ALK: variants seen among roughly 807,000 people sequenced by gnomAD.
ALK encodes ALK tyrosine kinase receptor.
In ALK, 74 loss-of-function variants were observed where a neutral mutation model predicts 163.1. The observed-to-expected ratio is 0.45, with a 90% CI of 0.38 to 0.55. The LOEUF is 0.55. Among genes scored for constraint, ALK ranks in the 20% least tolerant of loss-of-function variants. The pLI is 0.00. For synonymous variants in ALK, 960 were observed against 843.2 expected (o/e 1.14, Z -2.40); for missense variants, 2,063 against 2,105.3 (o/e 0.98, Z 0.39).
At chr2:29,912,963 A>G (rs1464943159) in intron 1 of ALK, among the ~76,000 whole-genome samples, 1 of 152,138 alleles carries the variant, frequency 6.6e-6, no homozygotes, top group Admixed American at 6.5e-5. Flanking sequence ...GGTTCAATCT[A>G]TCCTCATTTC....
chr2:29,705,519 G>T (rs1207484881), intron 2 of ALK, among the ~76,000 whole-genome samples: 1 of 151,506 alleles, frequency 6.6e-6, no homozygotes, highest in East Asian at 2.0e-4. Context: ...TTCTTTCCTT[G>T]CCCTATTTTA....
At position 29,193,627 on chromosome 2, in the gene ALK, G is replaced by A. The variant is rs1182539285; in HGVS notation, c.4460C>T (p.Ser1487Leu). The A allele has an allele frequency of 1.2e-6, 2 of 1,614,204 alleles. No individual in the cohort carries two copies. The highest frequency in any genetic ancestry group is 3.3e-5 in the Admixed American group (2 of 60,024). Residue 1487 changes from serine to leucine, a missense_variant, in exon 29 of 29, where the codon TCG (serine) becomes TTG (leucine). Physicochemically the swap from Ser to Leu is moderately radical, Grantham distance 145 (BLOSUM62 -2). Around this residue, in one of 5 missense-constraint regions of ALK, gnomAD observed 403 missense variants for 366.2 expected, o/e 1.10. Transcript: ENST00000389048. ...NMAFSQSNPP[S>L]ELHKVHGSRN... ...GGATCCGTGGACCTTGTGCAACTCC[G>A]AAGGAGGGTTGGACTGAGAGAATGC...
intron 1 of ALK, among the ~76,000 whole-genome samples, chr2:29,733,927 G>A (rs889948422): frequency 1.8e-4 from 27 of 152,230 alleles, no homozygotes; most frequent in African/African-American, 6.5e-4. Context: ...TGTAGATCCT[G>A]GCAGACCACC....
chr2:29,382,860 A>C (rs1342959825), intron 5 of ALK, among the ~76,000 whole-genome samples: 1 of 152,198 alleles, frequency 6.6e-6, no homozygotes, highest in African/African-American at 2.4e-5. Flanking sequence ...ACGAAAACAA[A>C]ATACACTATA....
chr2:29,492,896 G>A (rs972797782), intron 4 of ALK, among the ~76,000 whole-genome samples: 4 of 152,166 alleles, frequency 2.6e-5, no homozygotes, highest in Non-Finnish European at 5.9e-5. Flanking sequence ...GATGGTATGG[G>A]AGTATTTAGA....
intron 3 of ALK, among the ~76,000 whole-genome samples, chr2:29,628,732 C>G (rs1457496093): frequency 1.3e-5 from 2 of 152,160 alleles, no homozygotes; most frequent in Non-Finnish European, 2.9e-5. Context: ...GTTTGCTAAA[C>G]TAGTTCATGT....
intron 3 of ALK, among the ~76,000 whole-genome samples, chr2:29,631,628 A>C (rs1676378270): frequency 2.0e-5 from 3 of 152,224 alleles, no homozygotes; most frequent in Admixed American, 2.0e-4. Flanking sequence ...AACTGAAAAA[A>C]CAGTACCTGC....
At chr2:29,711,638 G>A (rs554397663) in intron 2 of ALK, among the ~76,000 whole-genome samples, 5 of 152,126 alleles carry the variant, frequency 3.3e-5, no homozygotes, top group Non-Finnish European at 7.4e-5. Context: ...GGGGGTTGTG[G>A]GAGGGCCTCT....
At chr2:29,618,663 C>T (rs1344457466) in intron 3 of ALK, among the ~76,000 whole-genome samples, 5 of 152,086 alleles carry the variant, frequency 3.3e-5, no homozygotes, top group African/African-American at 9.7e-5. Flanking sequence ...GGCTACTACC[C>T]GTGATATGCA....
At chr2:29,419,747 A>C (rs1669972168) in intron 4 of ALK, among the ~76,000 whole-genome samples, 1 of 151,586 alleles carries the variant, frequency 6.6e-6, no homozygotes, top group African/African-American at 2.4e-5. Flanking sequence ...TTTTGGCATT[A>C]GAATATTTAG....
chr2:29,263,189 C>T (rs964044885), intron 11 of ALK, among the ~76,000 whole-genome samples: 3 of 152,236 alleles, frequency 2.0e-5, no homozygotes, highest in Non-Finnish European at 4.4e-5. Flanking sequence ...CTGCCTTGTC[C>T]ATTCTTGTCT....
intron 12 of ALK, among the ~76,000 whole-genome samples, chr2:29,248,395 G>A (rs976532292): frequency 1.3e-5 from 2 of 152,140 alleles, no homozygotes; most frequent in African/African-American, 4.8e-5. Context: ...CCTGGGAGGC[G>A]GAAGTTGCAG....
At chr2:29,802,084 T>C (rs904061519) in intron 1 of ALK, among the ~76,000 whole-genome samples, 3 of 152,120 alleles carry the variant, frequency 2.0e-5, no homozygotes, top group African/African-American at 7.2e-5. Flanking sequence ...TTGGTTTAAA[T>C]GTCAAAACAA....
chr2:29,841,069 C>T (rs957257438), intron 1 of ALK, among the ~76,000 whole-genome samples: 5 of 152,160 alleles, frequency 3.3e-5, no homozygotes, highest in Non-Finnish European at 7.4e-5. Flanking sequence ...TAACTCTTCT[C>T]CCTTTGAATA....
At chr2:29,390,589 A>T (rs1406665820) in intron 4 of ALK, among the ~76,000 whole-genome samples, 6 of 151,808 alleles carry the variant, frequency 4.0e-5, no homozygotes, top group Non-Finnish European at 8.8e-5. Flanking sequence ...AAAAAAAAAA[A>T]ACATTTGAAC....
chr2:29,768,743 G>GTGTA (rs373708982), intron 1 of ALK, among the ~76,000 whole-genome samples: 158 of 150,682 alleles, frequency 1.0e-3, no homozygotes, highest in African/African-American at 2.6e-3. Context: ...GTGTGTGTGT[G>GTGTA]TATATATGTA....
At chr2:29,815,798 C>T (rs1664880773) in intron 1 of ALK, among the ~76,000 whole-genome samples, 1 of 152,128 alleles carries the variant, frequency 6.6e-6, no homozygotes, top group Non-Finnish European at 1.5e-5. Flanking sequence ...GACACTGACC[C>T]AAAACTGAGG....
At chr2:29,469,311 C>T (rs921994068) in intron 4 of ALK, among the ~76,000 whole-genome samples, 3 of 152,146 alleles carry the variant, frequency 2.0e-5, no homozygotes, top group Non-Finnish European at 4.4e-5. Context: ...TGCCAAATTG[C>T]CTTCTCAATA....
intron 3 of ALK, among the ~76,000 whole-genome samples, chr2:29,606,536 G>A (rs1432563808): frequency 6.6e-6 from 1 of 152,214 alleles, no homozygotes; most frequent in East Asian, 1.9e-4. Flanking sequence ...GCATCCCTGT[G>A]GACAGACCTG....
Sources: gnomAD v4.1 joint callset for allele counts (sites outside exome capture counted in the v4.1 genomes callset) on GRCh38, gnomAD v4.1.1 for gene constraint, gnomAD v4.1.1 regional missense constraint, MANE v1.5 for transcripts, NCBI Gene and HGNC (gene_info 2026-07-23, HGNC 2026-07-21) for gene names.